The following DUS2 variants were observed in gnomAD, a reference collection of about 807,000 sequenced individuals.
DUS2 encodes the protein dihydrouridine synthase 2.
A neutral mutation model predicts 71.3 loss-of-function variants in DUS2; 52 were observed. The observed-to-expected ratio is 0.73, with a 90% CI of 0.58 to 0.92. DUS2 has a LOEUF of 0.92. Among genes scored for constraint, DUS2 ranks in the 40% least tolerant of loss-of-function variants. The pLI is 0.00. For missense variants in DUS2, 558 were observed against 622.6 expected (o/e 0.90, Z 1.10); for synonymous variants, 204 against 227.8 (o/e 0.90, Z 0.94).
At chr16:68,050,997 CCTT>C (rs1300484600) in intron 4 of DUS2, among the ~76,000 whole-genome samples, 11 of 152,360 alleles carry the variant, frequency 7.2e-5, no homozygotes, top group African/African-American at 2.4e-4. Context: ...ACCCTAAAAA[CCTT>C]CTCATCTGTT....
intron 3 of DUS2, among the ~76,000 whole-genome samples, chr16:68,039,388 C>T (rs1403202605): frequency 6.6e-6 from 1 of 152,000 alleles, no homozygotes; most frequent in Non-Finnish European, 1.5e-5. Context: ...GTATTCAAAA[C>T]CAGCCTTGGC....
At chr16:68,038,812 G>T (rs1255342751) in intron 3 of DUS2, among the ~76,000 whole-genome samples, 1 of 151,648 alleles carries the variant, frequency 6.6e-6, no homozygotes, top group African/African-American at 2.4e-5. Context: ...ACTTTGGGAG[G>T]CCAAGGCAGG....
intron 3 of DUS2, among the ~76,000 whole-genome samples, chr16:68,040,239 C>T (rs571524041): frequency 3.9e-5 from 6 of 152,196 alleles, no homozygotes; most frequent in South Asian, 2.1e-4. Context: ...TGCCCGCCTC[C>T]ATGTCCAGCT....
Position 68,053,631 on chromosome 16 carries a change from G to T in DUS2, c.240G>T (p.Glu80Asp). 1.9e-6 allele frequency: 3 copies of T among 1,614,236 alleles called. No individual in the cohort carries two copies. The South Asian group carries it at 3.3e-5, about 18-fold the overall frequency. ...TTGTCTTCCGCACCTGTGAAAGAGA[G>T]CAGAACAGGGTGGTCTTCCAGATGG... The part of the protein sequence containing the change: ...DRVVFRTCER[E>D]QNRVVFQMGT... The change falls in exon 5 of 17, where the codon GAG (glutamate) becomes GAT (aspartate). Residue 80 changes from glutamate to aspartate, a missense_variant. Glu to Asp is a conservative substitution (Grantham distance 45). Transcript: ENST00000565263.
Position 68,056,386 on chromosome 16 carries a change from G to T in DUS2, c.331G>T (p.Asp111Tyr). 3 of 1,613,714 alleles carry T rather than the reference G, an allele frequency of 1.9e-6. No homozygotes were observed. Among genetic ancestry groups the T allele is most frequent in the Non-Finnish European group, 2.5e-6 (3 of 1,179,878 alleles). ...RLVENDVAGI[D>Y]VNMGCPKQYS... is the part of the protein sequence containing the mutation. ...CAGAGAAAATGATGTGGCTGGTATTGATGTCAACATGGGCTGTCCAAAACA... is the reference window on the plus strand; with the variant it reads ...CAGAGAAAATGATGTGGCTGGTATTTATGTCAACATGGGCTGTCCAAAACA... Residue 111 changes from aspartate (D) to tyrosine (Y), a missense_variant, in exon 7 of 17, where the codon GAT becomes TAT. Asp to Tyr is a radical substitution (Grantham distance 160). Coordinates refer to ENST00000565263, the MANE Select transcript of DUS2 (RefSeq NM_017803.5).
intron 3 of DUS2, 87 bp from the exon 4 acceptor site, chr16:68,049,418 C>T (rs985083606): frequency 1.1e-5 from 16 of 1,416,572 alleles, no homozygotes; most frequent in African/African-American, 7.0e-5. Context: ...ACTGGCCAAG[C>T]GATCCTCATT....
chr16:68,057,159 TGTA>T (rs1385478754), intron 7 of DUS2, among the ~76,000 whole-genome samples: 3 of 141,268 alleles, frequency 2.1e-5, no homozygotes, highest in Non-Finnish European at 4.6e-5. Flanking sequence ...ATATAATATA[TGTA>T]GTATATAAAA....
chr16:68,051,883 G>A (rs566314586), intron 4 of DUS2, among the ~76,000 whole-genome samples: 252 of 152,138 alleles, frequency 1.7e-3, no homozygotes, highest in African/African-American at 5.8e-3. Flanking sequence ...CAGTATGGTT[G>A]GGACCATTTT....
chr16:68,078,803 C>G lies in DUS2; in HGVS notation c.1299C>G (p.Ser433Arg). ...CTGCAGCCATCGTCTGTCTGCGGAG[C>G]CAGGGCCTCCCTGAGGGTCGGCTGG... ...EQAAAIVCLR[S>R]QGLPEGRLGE... Residue 433 changes from serine (S) to arginine (R), a missense_variant, in exon 17 of 17, where the codon AGC becomes AGG. Transcript: ENST00000565263. 6.2e-7 allele frequency: 1 copy of G among 1,612,848 alleles called. No homozygotes were observed. The highest frequency in any genetic ancestry group is 8.5e-7 in the Non-Finnish European group (1 of 1,179,470).
intron 12 of DUS2, among the ~76,000 whole-genome samples, chr16:68,071,544 C>T (rs2034087185): frequency 6.6e-6 from 1 of 152,190 alleles, no homozygotes; most frequent in African/African-American, 2.4e-5. Flanking sequence ...AGAAATTTCT[C>T]ACCTGATTTG....
At position 68,038,036 on chromosome 16, in the gene DUS2, A is replaced by T. The variant is rs780663427; in HGVS notation, c.13A>T (p.Ser5Cys). Residue 5 changes from serine (S) to cysteine (C), a missense_variant, in exon 3 of 17, where the codon AGC becomes TGC. Physicochemically the swap from Ser to Cys is moderately radical, Grantham distance 112. Transcript: ENST00000565263. Reference sequence around the variant, plus strand: ...AACAGAGGAGGAAATGATTTTGAATAGCCTCTCTCTGTGTTACCATAATAA... The same window carrying T: ...AACAGAGGAGGAAATGATTTTGAATTGCCTCTCTCTGTGTTACCATAATAA... MILNSLSLCYHNKLI... is the reference protein window; with the variant it reads MILNCLSLCYHNKLI... The T allele has an allele frequency of 5.0e-6, 8 of 1,613,402 alleles. No individual in the cohort carries two copies. The Admixed American group carries it at 1.2e-4, about 24-fold the overall frequency.
chr16:68,055,337 C>T (rs948116171), intron 6 of DUS2, among the ~76,000 whole-genome samples: 2 of 152,020 alleles, frequency 1.3e-5, no homozygotes, highest in Admixed American at 1.3e-4. Flanking sequence ...GCCAGTGGTC[C>T]CAACTACTTG....
In DUS2 at chr16:68,048,985, C is replaced by T. The variant is rs191993424; in HGVS notation, c.127-520C>T. Among the ~76,000 whole-genome samples the T allele has an allele frequency of 1.6e-4, 25 of 152,234 alleles. No homozygotes were observed. In the South Asian group the frequency reaches 2.9e-3, roughly 18 times the overall value. ...TGAGTATCTCCAGAGTTGGGGACCT[C>T]GCCCTTTTCATTTCCACATAGTGTG... On this transcript the variant is annotated intron_variant, in intron 3 of 16. Coordinates refer to ENST00000565263, the MANE Select transcript of DUS2 (RefSeq NM_017803.5).
intron 8 of DUS2, among the ~76,000 whole-genome samples, chr16:68,065,411 A>G (rs1162676194): frequency 1.3e-5 from 2 of 149,188 alleles, no homozygotes; most frequent in Non-Finnish European, 3.0e-5. Context: ...GGGATGGGCT[A>G]GGTGCAGTGG....
intron 10 of DUS2, among the ~76,000 whole-genome samples, chr16:68,068,752 CTTTTTTTTT>C (rs1160464857): frequency 8.9e-6 from 1 of 112,152 alleles, no homozygotes; most frequent in African/African-American, 3.4e-5. Flanking sequence ...CCATGCCTGG[CTTTTTTTTT>C]TTTTTTTTTT....
intron 2 of DUS2, among the ~76,000 whole-genome samples, chr16:68,028,632 C>A (rs2033392161): frequency 6.6e-6 from 1 of 152,114 alleles, no homozygotes; most frequent in Non-Finnish European, 1.5e-5. Context: ...GTAGGAGACT[C>A]CGTCTCAAAA....
intron 7 of DUS2, among the ~76,000 whole-genome samples, chr16:68,059,088 C>G (rs916382417): frequency 2.6e-5 from 4 of 152,128 alleles, no homozygotes; most frequent in Non-Finnish European, 2.9e-5. Flanking sequence ...TGGCAGACAC[C>G]TGTAGTCCCA....
chr16:68,076,946 T>A (rs1465079276), intron 15 of DUS2, among the ~76,000 whole-genome samples: 2 of 152,050 alleles, frequency 1.3e-5, no homozygotes, highest in Non-Finnish European at 2.9e-5. Context: ...GTCTAATTTT[T>A]ATTTTTTATT....
chr16:68,074,082 C>G lies in DUS2; in HGVS notation c.859C>G (p.Gln287Glu). 1 of 1,614,198 alleles carries G rather than the reference C, an allele frequency of 6.2e-7. No homozygotes were observed. ...CACCAACACCAAGTACTGCTTGTGC[C>G]AGATGCTACGAGAACAGCTGGAGTC... ...HYTNTKYCLC[Q>E]MLREQLESPQ... is the part of the protein sequence containing the mutation. The change falls in exon 13 of 17, where the codon CAG becomes GAG. Residue 287 changes from glutamine to glutamate, a missense_variant. Physicochemically the swap from Gln to Glu is conservative, Grantham distance 29. Coordinates refer to ENST00000565263, the MANE Select transcript of DUS2 (RefSeq NM_017803.5).
Sources: gnomAD v4.1 joint callset for allele counts (sites outside exome capture counted in the v4.1 genomes callset) on GRCh38, gnomAD v4.1.1 for gene constraint, MANE v1.5 for transcripts, NCBI Gene and HGNC (gene_info 2026-07-23, HGNC 2026-07-21) for gene names.